The following ARHGEF7 variants were observed in gnomAD, a reference collection of about 807,000 sequenced individuals.
The protein encoded by ARHGEF7 is PAK-interacting exchange factor beta.
In ARHGEF7, 33 loss-of-function variants were observed where a neutral mutation model predicts 109.8. The observed-to-expected ratio is 0.30, with a 90% confidence interval of 0.23 to 0.40. The LOEUF is 0.40. ARHGEF7 is among the 10% of genes least tolerant of loss of function. The probability of loss-of-function intolerance (pLI) is 1.00; values close to 1 mark genes in which losing one functional copy is unlikely to be tolerated. For missense variants in ARHGEF7, 938 were observed against 1,098.5 expected (o/e 0.85, Z 2.07); for synonymous variants, 458 against 424.6 (o/e 1.08, Z -0.97).
chr13:111,301,872 A>G (rs2093576995), intron 21 of ARHGEF7, among the ~76,000 whole-genome samples: 1 of 152,234 alleles, frequency 6.6e-6, no homozygotes. Context: ...AGTCTGAGCC[A>G]CAGAGCAAGA....
Position 111,258,994 on chromosome 13 carries a change from A to G in ARHGEF7, c.951-8554A>G, listed in dbSNP as rs1300733507. Among the ~76,000 whole-genome samples, 3 of 152,036 alleles carry G rather than the reference A, an allele frequency of 2.0e-5. No homozygotes were observed. The East Asian group carries it at 5.8e-4, about 29-fold the overall frequency. ...ACAGGGAGAGGTTTCCTGCTTATGG[A>G]AAAGGGGAGTGAAGAGTGGGAAGGA... On this transcript the variant is annotated intron_variant, in intron 8 of 21. Transcript: ENST00000646102. This position sits in a 1 kb window ranked among gnomAD's most constrained non-coding sequence, Gnocchi z 4.4.
intron 1 of ARHGEF7, among the ~76,000 whole-genome samples, chr13:111,146,238 A>G (rs1298261315): frequency 6.6e-6 from 1 of 152,218 alleles, no homozygotes; most frequent in Admixed American, 6.5e-5. Context: ...ACACTTCTAG[A>G]GTCAGTCTAT....
intron 1 of ARHGEF7, among the ~76,000 whole-genome samples, chr13:111,127,820 C>T (rs1032138273): frequency 1.3e-5 from 2 of 151,900 alleles, no homozygotes; most frequent in Admixed American, 6.6e-5. Flanking sequence ...AGATGTAAAC[C>T]TTCAAAAAAT....
At chr13:111,231,876 A>C (rs1182608485) in intron 5 of ARHGEF7, among the ~76,000 whole-genome samples, 1 of 152,140 alleles carries the variant, frequency 6.6e-6, no homozygotes, top group Non-Finnish European at 1.5e-5. Context: ...GTAGGGACTA[A>C]GTCCTCTAGG....
rs115989826 is a variant in ARHGEF7, at chr13:111,201,519, A to T, written c.253-3770A>T. Reference sequence around the variant, plus strand: ...ATGTAGATGATTCTTCTCTCTGTTCAGTGGGCTTTTTCTTGTGGTTATTTT... The same window carrying T: ...ATGTAGATGATTCTTCTCTCTGTTCTGTGGGCTTTTTCTTGTGGTTATTTT... On this transcript the variant is annotated intron_variant, in intron 2 of 21. Coordinates refer to ENST00000646102, the MANE Select transcript of ARHGEF7 (RefSeq NM_001354046.2). Among the ~76,000 whole-genome samples the T allele has an allele frequency of 1.0e-2, 1,522 of 152,310 alleles. 23 individuals carry two copies. The highest frequency in any genetic ancestry group is 0.034 in the African/African-American group (1,394 of 41,554).
intron 9 of ARHGEF7, among the ~76,000 whole-genome samples, chr13:111,269,222 C>A (rs919494948): frequency 2.0e-5 from 3 of 152,194 alleles, no homozygotes; most frequent in African/African-American, 7.2e-5. Context: ...ATGCCCCTAC[C>A]CCTGGGAATT....
intron 1 of ARHGEF7, among the ~76,000 whole-genome samples, chr13:111,139,598 G>A (rs1049747050): frequency 2.0e-5 from 3 of 151,338 alleles, no homozygotes; most frequent in Admixed American, 6.6e-5. Context: ...GTGCCTGTGT[G>A]GAGCACTGGC....
chr13:111,121,982 C>T (rs938635572), intron 1 of ARHGEF7, among the ~76,000 whole-genome samples: 3 of 152,320 alleles, frequency 2.0e-5, no homozygotes, highest in South Asian at 2.1e-4. Flanking sequence ...AAAACCTTCC[C>T]CATCGTGTCC....
intron 5 of ARHGEF7, among the ~76,000 whole-genome samples, chr13:111,221,327 AT>A (rs1352242386): frequency 1.1e-4 from 2 of 18,040 alleles, no homozygotes; most frequent in East Asian, 2.2e-3. Context: ...ATAGATATAT[AT>A]GTCTATATAT....
chr13:111,227,161 C>T (rs1368639203), intron 5 of ARHGEF7, among the ~76,000 whole-genome samples: 7 of 152,136 alleles, frequency 4.6e-5, no homozygotes, highest in South Asian at 4.1e-4. Context: ...GCTGAAGTGC[C>T]GTGAACATTG....
chr13:111,239,700 C>T lies in ARHGEF7; in HGVS notation c.760-4172C>T, dbSNP rs1406473944. Among the ~76,000 whole-genome samples the T allele has an allele frequency of 6.6e-6, 1 of 152,028 alleles. No individual in the cohort carries two copies. The highest frequency in any genetic ancestry group is 2.4e-5 in the African/African-American group (1 of 41,386). On this transcript the variant is annotated intron_variant, in intron 6 of 21. Coordinates refer to ENST00000646102, the MANE Select transcript of ARHGEF7 (RefSeq NM_001354046.2). This position sits in a 1 kb window ranked among gnomAD's most constrained non-coding sequence, Gnocchi z 4.3. ...GAGGGTGTGCAGCTTGTGGGATCCC[C>T]TCTTTTCCTGGGCGGCGAGGTGCCT...
chr13:111,244,382 T>TGTGAA, intron 8 of ARHGEF7, 88 bp downstream of exon 8: 1 of 783,196 alleles, frequency 1.3e-6, no homozygotes, highest in Non-Finnish European at 2.1e-6. Flanking sequence ...AGAATTCACA[T>TGTGAA]TTCTAAAGAT....
chr13:111,251,737 T>C (rs1024768838), intron 8 of ARHGEF7, among the ~76,000 whole-genome samples: 2 of 152,162 alleles, frequency 1.3e-5, no homozygotes, highest in Admixed American at 1.3e-4. Flanking sequence ...CAGCGTCTTC[T>C]CCCAGAACCA....
chr13:111,286,114 A>G (rs753216774), intron 16 of ARHGEF7, 33 bp from the exon 17 acceptor site: 2 of 1,544,844 alleles, frequency 1.3e-6, no homozygotes, highest in South Asian at 2.2e-5. Flanking sequence ...TTGGCTTTAG[A>G]GTATGTTAGC....
At chr13:111,185,566 A>C (rs2079162188) in intron 2 of ARHGEF7, among the ~76,000 whole-genome samples, 1 of 152,216 alleles carries the variant, frequency 6.6e-6, no homozygotes, top group South Asian at 2.1e-4. Flanking sequence ...GAATGGGCGC[A>C]TTGCCTTTAT....
At chr13:111,196,951 A>G (rs557727324) in intron 2 of ARHGEF7, among the ~76,000 whole-genome samples, 1 of 152,170 alleles carries the variant, frequency 6.6e-6, no homozygotes, top group Non-Finnish European at 1.5e-5. Flanking sequence ...GCCATAGTGC[A>G]GAAAAAAATA....
chr13:111,182,713 G>GTTTTAGGGT (rs2078881147), intron 2 of ARHGEF7: 1 of 152,242 alleles, frequency 6.6e-6, no homozygotes, highest in Admixed American at 6.5e-5. Flanking sequence ...TTAGAAAGCA[G>GTTTTAGGGT]TTTTAGGGTT....
rs569730120 is a variant in ARHGEF7, at chr13:111,275,258, T to C, written c.1273-274T>C. Among the ~76,000 whole-genome samples, 14 of 152,358 alleles carry C rather than the reference T, an allele frequency of 9.2e-5. 1 individual carries two copies. In the South Asian group the frequency reaches 2.9e-3, roughly 32 times the overall value. On this transcript the variant is annotated intron_variant, in intron 11 of 21. Coordinates refer to ENST00000646102, the MANE Select transcript of ARHGEF7 (RefSeq NM_001354046.2). Reference sequence around the variant, plus strand: ...ACAGTTCTTGTCCTGTCCACATTTCTTTTTTGTACAAGTGGCAAAATGTGC... The same window carrying C: ...ACAGTTCTTGTCCTGTCCACATTTCCTTTTTGTACAAGTGGCAAAATGTGC...
chr13:111,242,324 G>T (rs1555754), intron 6 of ARHGEF7, among the ~76,000 whole-genome samples: 15,320 of 152,182 alleles, frequency 0.1, 856 homozygotes, highest in South Asian at 0.22. Flanking sequence ...GGCAAACAGA[G>T]TAACGACCCG....
Sources: gnomAD v4.1 joint callset for allele counts (sites outside exome capture counted in the v4.1 genomes callset) on GRCh38, gnomAD v4.1.1 for gene constraint, Gnocchi (gnomAD v3.1) non-coding constraint, MANE v1.5 for transcripts, NCBI Gene and HGNC (gene_info 2026-07-23, HGNC 2026-07-21) for gene names.